Variants in PRKD1 observed in about 807,000 individuals in gnomAD.
PRKD1 encodes serine/threonine-protein kinase D1.
A neutral mutation model predicts 95.9 loss-of-function variants in PRKD1; 63 were observed. The observed-to-expected ratio is 0.66, with a 90% CI of 0.54 to 0.81. The LOEUF is 0.81. Ranked by LOEUF, PRKD1 falls within the 30% of genes least tolerant of loss-of-function variation. The pLI is 0.00. For missense variants in PRKD1, 1,048 were observed against 1,165.3 expected (o/e 0.90, Z 1.47); for synonymous variants, 425 against 423.1 (o/e 1.00, Z -0.05).
chr14:29,921,562 C>T (rs548231402), intron 1 of PRKD1, among the ~76,000 whole-genome samples: 31 of 152,088 alleles, frequency 2.0e-4, no homozygotes, highest in Non-Finnish European at 4.3e-4. Flanking sequence ...CACAAATATA[C>T]ATTCATTGAC....
chr14:29,775,263 C>T (rs545930259), intron 1 of PRKD1, among the ~76,000 whole-genome samples: 16 of 152,268 alleles, frequency 1.1e-4, no homozygotes, highest in Non-Finnish European at 2.2e-4. Flanking sequence ...ACTGAGGTAC[C>T]AGGTTCGTCT....
At chr14:29,662,811 C>G (rs1012781430) in intron 4 of PRKD1, among the ~76,000 whole-genome samples, 7 of 151,734 alleles carry the variant, frequency 4.6e-5, no homozygotes, top group African/African-American at 1.7e-4. Flanking sequence ...TTTTTTCTCT[C>G]TAATTGATTT....
At chr14:29,601,297 G>C (rs1893508198) in intron 13 of PRKD1, among the ~76,000 whole-genome samples, 1 of 152,186 alleles carries the variant, frequency 6.6e-6, no homozygotes, top group South Asian at 2.1e-4. Flanking sequence ...ATTTCTTAGA[G>C]AGTCCTTTTT....
At position 29,627,824 on chromosome 14, in the gene PRKD1, C is replaced by A. The variant is rs924829696; in HGVS notation, c.1725+1217G>T. On this transcript the variant is annotated intron_variant, in intron 11 of 17. Coordinates refer to ENST00000331968, the MANE Select transcript of PRKD1 (RefSeq NM_002742.3). Reference sequence around the variant, plus strand: ...ATCCATCCTGTGATTCTTCAAAGTCCCCACAGGATGAGTTCAACGCTGTCT... The same window carrying A: ...ATCCATCCTGTGATTCTTCAAAGTCACCACAGGATGAGTTCAACGCTGTCT... 6.6e-5 allele frequency among the ~76,000 whole-genome samples: 10 copies of A among 152,240 alleles called. 1 individual carries two copies. The highest frequency in any genetic ancestry group is 5.9e-4 in the Admixed American group (9 of 15,282).
chr14:29,733,164 G>A (rs910272763), intron 1 of PRKD1, among the ~76,000 whole-genome samples: 9 of 150,034 alleles, frequency 6.0e-5, no homozygotes, highest in African/African-American at 2.0e-4. Context: ...GTGCAGTGGC[G>A]CAATCTCGGC....
At chr14:29,668,558 G>T (rs751728631) in intron 2 of PRKD1, among the ~76,000 whole-genome samples, 8 of 152,120 alleles carry the variant, frequency 5.3e-5, no homozygotes, top group Admixed American at 1.3e-4. Context: ...ATTTGAAACA[G>T]GTAATTGAGC....
At chr14:29,829,654 T>C (rs1566624641) in intron 1 of PRKD1, among the ~76,000 whole-genome samples, 1 of 152,160 alleles carries the variant, frequency 6.6e-6, no homozygotes, top group African/African-American at 2.4e-5. Flanking sequence ...CATCATAACA[T>C]AGTATTTCTC....
In PRKD1 at chr14:29,644,669, A is replaced by T. The variant is rs1461006755; in HGVS notation, c.697-5765T>A. On this transcript the variant is annotated intron_variant, in intron 4 of 17. Coordinates refer to ENST00000331968, the MANE Select transcript of PRKD1 (RefSeq NM_002742.3). ...AGTTGAAATGGAGACCTTTGAGGTT[A>T]TAAAAAGTGTTTTCTATCATTATCT... 2.6e-5 allele frequency among the ~76,000 whole-genome samples: 4 copies of T among 152,132 alleles called. No individual in the cohort carries two copies. The East Asian group carries it at 7.7e-4, about 29-fold the overall frequency.
chr14:29,623,678 C>T, intron 13 of PRKD1, among the ~76,000 whole-genome samples: 1 of 152,070 alleles, frequency 6.6e-6, no homozygotes, highest in East Asian at 1.9e-4. Context: ...AGTGACAATG[C>T]CCGATGTCAA....
At chr14:29,790,007 CTTTTTT>C (rs34880091) in intron 1 of PRKD1, among the ~76,000 whole-genome samples, 1 of 97,314 alleles carries the variant, frequency 1.0e-5, no homozygotes, top group African/African-American at 4.3e-5. Context: ...AGCAAGTTGT[CTTTTTT>C]TTTTTTTTTT....
At chr14:29,662,090 A>G (rs1882221327) in intron 4 of PRKD1, among the ~76,000 whole-genome samples, 1 of 152,030 alleles carries the variant, frequency 6.6e-6, no homozygotes, top group Admixed American at 6.6e-5. Flanking sequence ...TATTGCTTTA[A>G]GTTGGTTTAA....
intron 4 of PRKD1, among the ~76,000 whole-genome samples, chr14:29,655,318 T>C (rs1206195183): frequency 6.6e-6 from 1 of 152,134 alleles, no homozygotes; most frequent in East Asian, 1.9e-4. Flanking sequence ...AAATAGGAAT[T>C]TACTATTATT....
At chr14:29,685,200 C>A (rs1715635404) in intron 2 of PRKD1, among the ~76,000 whole-genome samples, 1 of 152,158 alleles carries the variant, frequency 6.6e-6, no homozygotes, top group Non-Finnish European at 1.5e-5. Flanking sequence ...GGGATAGGGG[C>A]ACCTTATTTG....
At chr14:29,875,201 T>C (rs1228503757) in intron 1 of PRKD1, among the ~76,000 whole-genome samples, 1 of 151,992 alleles carries the variant, frequency 6.6e-6, no homozygotes, top group Non-Finnish European at 1.5e-5. Flanking sequence ...ATAAATAAAA[T>C]GGAGATAATA....
intron 1 of PRKD1, among the ~76,000 whole-genome samples, chr14:29,740,250 G>T (rs1243039781): frequency 5.9e-5 from 9 of 152,084 alleles, no homozygotes; most frequent in Admixed American, 3.3e-4. Context: ...ATAGCACAAT[G>T]AAGATTTTTA....
intron 1 of PRKD1, among the ~76,000 whole-genome samples, chr14:29,808,630 C>T (rs1890349970): frequency 6.6e-6 from 1 of 151,696 alleles, no homozygotes; most frequent in African/African-American, 2.4e-5. Flanking sequence ...GAACTCCTGA[C>T]CTCAGGCAAT....
chr14:29,918,226 A>C lies in PRKD1; in HGVS notation c.264+9023T>G, dbSNP rs987072337. On this transcript the variant is annotated intron_variant, in intron 1 of 17. Transcript: ENST00000331968. Reference sequence around the variant, plus strand: ...AACATTATATATCATAGTATATATAATTTTTATTAGTAAATTATACCTTAA... The same window carrying C: ...AACATTATATATCATAGTATATATACTTTTTATTAGTAAATTATACCTTAA... Among the ~76,000 whole-genome samples, 8 of 152,302 alleles carry C rather than the reference A, an allele frequency of 5.3e-5. No individual in the cohort carries two copies. The East Asian group carries it at 1.5e-3, about 29-fold the overall frequency.
chr14:29,577,368 T>G lies in PRKD1; in HGVS notation c.2609A>C (p.Glu870Ala). Residue 870 changes from glutamate to alanine, a missense_variant, in exon 18 of 18, where the codon GAG (glutamate) becomes GCG (alanine). By Grantham distance (107) the Glu-to-Ala change is moderately radical. Transcript: ENST00000331968. ...CAGCCCCTGCTCGCCTGCATACTTC[T>G]CCCACCTCAGGTCATCACTTTCATG... is the stretch of plus-strand genomic sequence containing the variant. ...ITHESDDLRW[E>A]KYAGEQGLQY... 6.2e-7 allele frequency: 1 copy of G among 1,613,820 alleles called. No individual in the cohort carries two copies. Among genetic ancestry groups the G allele is most frequent in the South Asian group, 1.1e-5 (1 of 91,074 alleles).
chr14:29,658,342 G>A (rs138929616), intron 4 of PRKD1, among the ~76,000 whole-genome samples: 2 of 152,256 alleles, frequency 1.3e-5, no homozygotes, highest in Non-Finnish European at 2.9e-5. Flanking sequence ...TATGAGAAAA[G>A]GGTTCCATGT....
Sources: gnomAD v4.1 joint callset for allele counts (sites outside exome capture counted in the v4.1 genomes callset) on GRCh38, gnomAD v4.1.1 for gene constraint, MANE v1.5 for transcripts, NCBI Gene and HGNC (gene_info 2026-07-23, HGNC 2026-07-21) for gene names.